Variants in RASGEF1C observed in about 807,000 individuals in gnomAD.
RASGEF1C encodes the protein RasGEF domain family member 1C, also known as ras-GEF domain-containing family member 1C.
A neutral mutation model predicts 58.1 loss-of-function variants in RASGEF1C; 27 were observed. The observed-to-expected ratio is 0.46, with a 90% CI of 0.34 to 0.64. The LOEUF (loss-of-function observed/expected upper bound fraction) is 0.64. RASGEF1C is among the 30% of genes least tolerant of loss of function. The pLI, the probability that RASGEF1C is intolerant of heterozygous loss-of-function variation, is 0.01. For missense variants in RASGEF1C, 502 were observed against 605.1 expected (o/e 0.83, Z 1.79); for synonymous variants, 243 against 246.3 (o/e 0.99, Z 0.13).
At chr5:180,200,204 T>A (rs1431130963) in intron 1 of RASGEF1C, among the ~76,000 whole-genome samples, 1 of 151,626 alleles carries the variant, frequency 6.6e-6, no homozygotes, top group Non-Finnish European at 1.5e-5. Flanking sequence ...AGGCGGAGGT[T>A]GCAGTGAGCT....
At chr5:180,103,373 G>C (rs139268948) in intron 12 of RASGEF1C, among the ~76,000 whole-genome samples, 1 of 152,158 alleles carries the variant, frequency 6.6e-6, no homozygotes, top group Non-Finnish European at 1.5e-5. Flanking sequence ...CACCGCACCC[G>C]GCACATCAGC....
chr5:180,146,924 G>A (rs1766668814), intron 1 of RASGEF1C, among the ~76,000 whole-genome samples: 1 of 152,140 alleles, frequency 6.6e-6, no homozygotes. Flanking sequence ...ATTCACCAGT[G>A]AAACCACCAG....
At chr5:180,164,042 A>G (rs1190539339) in intron 1 of RASGEF1C, among the ~76,000 whole-genome samples, 1 of 152,102 alleles carries the variant, frequency 6.6e-6, no homozygotes, top group Non-Finnish European at 1.5e-5. Flanking sequence ...GCCTTGCCTT[A>G]TCACCCTTTT....
intron 1 of RASGEF1C, among the ~76,000 whole-genome samples, chr5:180,174,753 G>A (rs555007435): frequency 7.2e-5 from 11 of 152,266 alleles, no homozygotes; most frequent in East Asian, 5.8e-4. Context: ...GACAGCATGC[G>A]CACAGATCGC....
At chr5:180,160,357 G>A (rs1359071593) in intron 1 of RASGEF1C, among the ~76,000 whole-genome samples, 2 of 152,162 alleles carry the variant, frequency 1.3e-5, no homozygotes, top group Non-Finnish European at 2.9e-5. Flanking sequence ...TCTGCTCCAG[G>A]TGCCTGGGCA....
chr5:180,190,280 G>A (rs1376655703), intron 1 of RASGEF1C, among the ~76,000 whole-genome samples: 5 of 151,588 alleles, frequency 3.3e-5, no homozygotes, highest in Non-Finnish European at 4.4e-5. Flanking sequence ...GAGGTTAGGA[G>A]ATCGAGACCA....
chr5:180,184,186 T>TAA (rs377104082), intron 1 of RASGEF1C, among the ~76,000 whole-genome samples: 9 of 141,420 alleles, frequency 6.4e-5, no homozygotes, highest in African/African-American at 2.0e-4. Context: ...TAAAAATAAA[T>TAA]AAATAAATAA....
chr5:180,186,606 A>G (rs1756046701), intron 1 of RASGEF1C, among the ~76,000 whole-genome samples: 1 of 152,262 alleles, frequency 6.6e-6, no homozygotes, highest in Non-Finnish European at 1.5e-5. Flanking sequence ...AATACTAACC[A>G]AAGTGATTTA....
chr5:180,140,581 C>T lies in RASGEF1C; in HGVS notation c.-6-2523G>A, dbSNP rs565240675. 2.3e-4 allele frequency among the ~76,000 whole-genome samples: 35 copies of T among 152,300 alleles called. No homozygotes were observed. The South Asian group carries it at 4.1e-3, about 18-fold the overall frequency. ...GTGAGGTCAGAGCTGCTGCTACCAG[C>T]GGGCTCCCCCACCACTCCCACCCCT... On this transcript the variant is annotated intron_variant, in intron 1 of 13. Coordinates refer to ENST00000361132, the MANE Select transcript of RASGEF1C (RefSeq NM_175062.4).
intron 5 of RASGEF1C, 40 bp downstream of exon 5, chr5:180,128,370 G>T: frequency 1.3e-6 from 2 of 1,565,232 alleles, no homozygotes; most frequent in Non-Finnish European, 1.8e-6. Context: ...TGTGTGTCCT[G>T]CTGAATCCCG....
At chr5:180,116,357 C>T (rs551008963) in intron 10 of RASGEF1C, among the ~76,000 whole-genome samples, 2 of 144,048 alleles carry the variant, frequency 1.4e-5, no homozygotes, top group South Asian at 2.3e-4. Context: ...TAAAGTGCTA[C>T]GACCACCGAG....
chr5:180,133,761 C>T (rs1296378370), intron 4 of RASGEF1C, among the ~76,000 whole-genome samples: 3 of 151,430 alleles, frequency 2.0e-5, no homozygotes, highest in Non-Finnish European at 4.4e-5. Context: ...CAGAGGAGTG[C>T]ATGGTAACCA....
In RASGEF1C at chr5:180,163,254, C is replaced by CTTTTTTTTTTTTTTTTTTTTTTT. The variant is rs1187829324; in HGVS notation, c.-6-25197_-6-25196insAAAAAAAAAAAAAAAAAAAAAAA. Among the ~76,000 whole-genome samples, 116 of 71,048 alleles carry CTTTTTTTTTTTTTTTTTTTTTTT rather than the reference C, an allele frequency of 1.6e-3. 19 individuals are homozygous for CTTTTTTTTTTTTTTTTTTTTTTT. Among genetic ancestry groups the CTTTTTTTTTTTTTTTTTTTTTTT allele is most frequent in the East Asian group, 3.4e-3 (7 of 2,056 alleles). The allele number at this position is 71,048 out of a possible 152,430, so 46.6% of individuals were successfully genotyped here. A position where few individuals can be genotyped will look rare whatever the true frequency, so the allele number is the denominator to read the frequency against. On this transcript the variant is annotated intron_variant, in intron 1 of 13. Coordinates refer to ENST00000361132, the MANE Select transcript of RASGEF1C (RefSeq NM_175062.4). ...CACTTTTTTTTTTTTTTTTTTTTTC[C>CTTTTTTTTTTTTTTTTTTTTTTT]AGCCTATTGCACTGGCTAGGACTTC...
At position 180,156,359 on chromosome 5, in the gene RASGEF1C, G is replaced by A. The variant is rs1766846759; in HGVS notation, c.-6-18301C>T. ...AGCTGACAAGGCCCCTCCGGGGGAAGTCGTGAGCAGGGTTGAAAGGGAGTC... is the reference window on the plus strand; with the variant it reads ...AGCTGACAAGGCCCCTCCGGGGGAAATCGTGAGCAGGGTTGAAAGGGAGTC... On this transcript the variant is annotated intron_variant, in intron 1 of 13. Coordinates refer to ENST00000361132, the MANE Select transcript of RASGEF1C (RefSeq NM_175062.4). This position sits in a 1 kb window ranked among gnomAD's most constrained non-coding sequence, Gnocchi z 4.9. Among the ~76,000 whole-genome samples the A allele has an allele frequency of 6.6e-6, 1 of 152,214 alleles. No individual in the cohort carries two copies. The highest frequency in any genetic ancestry group is 2.4e-5 in the African/African-American group (1 of 41,466).
chr5:180,103,335 C>T (rs1561727763), intron 12 of RASGEF1C, among the ~76,000 whole-genome samples: 1 of 152,244 alleles, frequency 6.6e-6, no homozygotes, highest in Non-Finnish European at 1.5e-5. Flanking sequence ...CCTCGGCCTC[C>T]CAGAGTGCTG....
Position 180,128,492 on chromosome 5 carries a change from G to T in RASGEF1C, c.557C>A (p.Pro186Gln). 6.2e-7 allele frequency: 1 copy of T among 1,614,188 alleles called. No homozygotes were observed. ...ADKPISYRTK[P>Q]PASIHRELLG... The stretch of plus-strand genomic sequence containing the variant: ...GAGCTCCCTGTGGATGGAGGCTGGT[G>T]GCTTGGTCCTGTAGGAGATGGGCTT... The change falls in exon 5 of 14, where the codon CCA becomes CAA. Residue 186 changes from proline (P) to glutamine (Q), a missense_variant. Coordinates refer to ENST00000361132, the MANE Select transcript of RASGEF1C (RefSeq NM_175062.4).
chr5:180,185,626 AAAT>A, intron 1 of RASGEF1C, among the ~76,000 whole-genome samples: 1 of 151,796 alleles, frequency 6.6e-6, no homozygotes, highest in Non-Finnish European at 1.5e-5. Context: ...ATAAATAAAT[AAAT>A]AAAAAGGATA....
In RASGEF1C at chr5:180,102,055, T is replaced by A. The variant is rs1056912237; in HGVS notation, c.1376+16A>T. Reference sequence around the variant, plus strand: ...CCCAAGCAGCCCCCAGGCCCCACCTTGGCAGGAAGACTCACCTTAGAGCTT... The same window carrying A: ...CCCAAGCAGCCCCCAGGCCCCACCTAGGCAGGAAGACTCACCTTAGAGCTT... On this transcript the variant is annotated intron_variant, in intron 13 of 13. Coordinates refer to ENST00000361132, the MANE Select transcript of RASGEF1C (RefSeq NM_175062.4). The A allele has an allele frequency of 6.7e-7, 1 of 1,502,846 alleles. No homozygotes were observed. Among genetic ancestry groups the A allele is most frequent in the Non-Finnish European group, 9.2e-7 (1 of 1,082,162 alleles). 93.1% of individuals were successfully genotyped at this position (1,502,846 alleles called of 1,614,324 possible).
chr5:180,107,011 T>A (rs775440719), intron 12 of RASGEF1C, among the ~76,000 whole-genome samples: 2 of 152,226 alleles, frequency 1.3e-5, no homozygotes, highest in Non-Finnish European at 2.9e-5. Context: ...TATTACTGTA[T>A]AATGTCCTTC....
Sources: allele counts gnomAD v4.1 joint callset (sites outside exome capture counted in the v4.1 genomes callset), GRCh38; gene constraint gnomAD v4.1.1; non-coding constraint Gnocchi (gnomAD v3.1); transcripts MANE v1.5; gene names NCBI Gene and HGNC (gene_info 2026-07-23, HGNC 2026-07-21).